TRAK1: variants seen among roughly 807,000 people sequenced by gnomAD.
The protein encoded by TRAK1 is trafficking kinesin protein 1.
TRAK1 carries 33 observed loss-of-function variants against 92.1 expected under a neutral mutation model. The observed-to-expected ratio is 0.36, with a 90% CI of 0.27 to 0.48. The LOEUF (loss-of-function observed/expected upper bound fraction) is 0.48, where lower values mean the gene tolerates loss of function less well. TRAK1 is among the 20% of genes least tolerant of loss of function. TRAK1 has a pLI of 0.99. For synonymous variants in TRAK1, 521 were observed against 517.3 expected (o/e 1.01, Z -0.10); for missense variants, 1,123 against 1,257.9 (o/e 0.89, Z 1.62).
At chr3:42,102,762 T>C (rs903217341) in intron 1 of TRAK1, among the ~76,000 whole-genome samples, 1 of 152,142 alleles carries the variant, frequency 6.6e-6, no homozygotes, top group Non-Finnish European at 1.5e-5. Flanking sequence ...GCGCATGTGT[T>C]AAGGGACTGA....
At position 42,112,757 on chromosome 3, in the gene TRAK1, C is replaced by G. The variant is rs1050970624; in HGVS notation, c.92-12663C>G. On this transcript the variant is annotated intron_variant, in intron 1 of 15. Transcript: ENST00000327628. Reference sequence around the variant, plus strand: ...TCTCAAAAAAAAAAAAAAAAAAAAACCAACTAATTTTTTGTTTGTTTGTTT... The same window carrying G: ...TCTCAAAAAAAAAAAAAAAAAAAAAGCAACTAATTTTTTGTTTGTTTGTTT... Among the ~76,000 whole-genome samples, 121 of 119,392 alleles carry G rather than the reference C, an allele frequency of 1.0e-3. 1 individual carries two copies. The highest frequency in any genetic ancestry group is 3.1e-4 in the Non-Finnish European group (17 of 55,362). The allele number at this position is 119,392 out of a possible 152,430, so 78.3% of individuals were successfully genotyped here.
At chr3:42,213,413 GC>G (rs1351817319) in intron 14 of TRAK1, among the ~76,000 whole-genome samples, 1 of 152,178 alleles carries the variant, frequency 6.6e-6, no homozygotes, top group Non-Finnish European at 1.5e-5. Flanking sequence ...GGCTAAAATT[GC>G]CCTTAAAAAA....
intron 1 of TRAK1, among the ~76,000 whole-genome samples, chr3:42,122,491 G>C (rs182991255): frequency 6.6e-6 from 1 of 152,130 alleles, no homozygotes; most frequent in Non-Finnish European, 1.5e-5. Context: ...ACTGCCTTCT[G>C]TGGAGCTGCT....
intron 14 of TRAK1, among the ~76,000 whole-genome samples, chr3:42,215,792 T>C (rs1709614521): frequency 6.6e-6 from 1 of 152,220 alleles, no homozygotes; most frequent in Non-Finnish European, 1.5e-5. Context: ...AGCTTGGGTG[T>C]GTGGCATGGC....
chr3:42,069,323 A>AAAAAAG (rs1703814175), intron 1 of TRAK1, among the ~76,000 whole-genome samples: 2 of 151,660 alleles, frequency 1.3e-5, no homozygotes, highest in Non-Finnish European at 2.9e-5. Context: ...CCTGTCTCAA[A>AAAAAAG]AAAAAAAAGA....
intron 2 of TRAK1, chr3:42,146,390 G>A (rs775058007): frequency 1.5e-4 from 35 of 240,330 alleles, no homozygotes; most frequent in South Asian, 6.3e-4. Flanking sequence ...AGACACCATT[G>A]TCTCATAAAT....
intron 1 of TRAK1, among the ~76,000 whole-genome samples, chr3:42,048,566 CT>C (rs373744402): frequency 0.13 from 18,374 of 136,368 alleles, 1,491 homozygotes; most frequent in African/African-American, 0.26. Context: ...CAGTTCTTTT[CT>C]TTTTTTTTTT....
chr3:42,132,621 G>A (rs972226652), intron 2 of TRAK1, among the ~76,000 whole-genome samples: 2 of 151,840 alleles, frequency 1.3e-5, no homozygotes, highest in Non-Finnish European at 2.9e-5. Context: ...TTTTTGATCC[G>A]TGGTGGATAC....
intron 1 of TRAK1, among the ~76,000 whole-genome samples, chr3:42,068,285 A>G (rs890586116): frequency 2.6e-5 from 4 of 152,166 alleles, no homozygotes; most frequent in Admixed American, 6.5e-5. Flanking sequence ...TAGCCTTTCA[A>G]GTAGCTGGGA....
intron 13 of TRAK1, chr3:42,203,182 C>T: frequency 2.6e-6 from 3 of 1,156,230 alleles, no homozygotes; most frequent in Non-Finnish European, 3.2e-6. Flanking sequence ...AGGTTCCAAG[C>T]AAACTCTATT....
chr3:42,058,966 G>C (rs956808525), intron 1 of TRAK1, among the ~76,000 whole-genome samples: 2 of 152,156 alleles, frequency 1.3e-5, no homozygotes, highest in Admixed American at 1.3e-4. Flanking sequence ...TTTTTTTAAA[G>C]ATAAAGTGCT....
chr3:42,133,729 A>G (rs1697517971), intron 2 of TRAK1, among the ~76,000 whole-genome samples: 1 of 152,240 alleles, frequency 6.6e-6, no homozygotes, highest in Admixed American at 6.5e-5. Context: ...GTTGTGCTAA[A>G]TGCTTTACCT....
chr3:42,025,717 G>C (rs1287711813), intron 1 of TRAK1, among the ~76,000 whole-genome samples: 1 of 152,142 alleles, frequency 6.6e-6, no homozygotes, highest in Non-Finnish European at 1.5e-5. Context: ...TCTCTTGCTG[G>C]CTGCCTTCTC....
At chr3:42,093,022 C>G (rs188016291) in intron 1 of TRAK1, among the ~76,000 whole-genome samples, 198 of 152,174 alleles carry the variant, frequency 1.3e-3, no homozygotes, top group Non-Finnish European at 2.5e-3. Context: ...CAATTTCTCT[C>G]TAGTATAATT....
chr3:42,022,190 G>A (rs1014515239), intron 1 of TRAK1, among the ~76,000 whole-genome samples: 11 of 152,154 alleles, frequency 7.2e-5, no homozygotes, highest in South Asian at 4.1e-4. Flanking sequence ...CAAGGCATTA[G>A]AAGAATTGCT....
intron 1 of TRAK1, among the ~76,000 whole-genome samples, chr3:42,123,317 C>A (rs1489177210): frequency 6.6e-6 from 1 of 152,260 alleles, no homozygotes; most frequent in Non-Finnish European, 1.5e-5. Context: ...CCCACAGTTA[C>A]TGCCTTTCTG....
intron 3 of TRAK1, 64 bp downstream of exon 3, chr3:42,176,954 T>A: frequency 1.4e-6 from 2 of 1,430,096 alleles, no homozygotes; most frequent in Non-Finnish European, 2.0e-6. Flanking sequence ...GGATACTGAT[T>A]AAAGCATGCC....
At chr3:42,030,689 AATATATAT>A (rs57651073) in intron 1 of TRAK1, among the ~76,000 whole-genome samples, 94 of 97,646 alleles carry the variant, frequency 9.6e-4, no homozygotes, top group African/African-American at 4.5e-3. Context: ...AAAAAAAAAG[AATATATAT>A]ATATATATAT....
intron 2 of TRAK1, among the ~76,000 whole-genome samples, chr3:42,154,929 A>C (rs569461455): frequency 6.6e-6 from 1 of 152,074 alleles, no homozygotes; most frequent in African/African-American, 2.4e-5. Flanking sequence ...GAAAGATAGG[A>C]GGATATGGGC....
Sources: allele counts gnomAD v4.1 joint callset (sites outside exome capture counted in the v4.1 genomes callset), GRCh38; gene constraint gnomAD v4.1.1; transcripts MANE v1.5; gene names NCBI Gene and HGNC (gene_info 2026-07-23, HGNC 2026-07-21).